The following LRP1B variants were observed in gnomAD, a reference collection of about 807,000 sequenced individuals.
LRP1B encodes the protein LDL receptor related protein 1B.
LRP1B carries 217 observed loss-of-function variants against 556.6 expected under a neutral mutation model. The ratio of observed to expected loss-of-function variants is 0.39; its 90% confidence interval spans 0.35 to 0.44. The LOEUF is 0.44. Ranked by LOEUF, LRP1B falls within the 20% of genes least tolerant of loss-of-function variation. The probability of loss-of-function intolerance (pLI) is 1.00; values close to 1 mark genes in which losing one functional copy is unlikely to be tolerated. For synonymous variants in LRP1B, 2,047 were observed against 1,865.8 expected (o/e 1.10, Z -2.50); for missense variants, 5,053 against 5,620.8 (o/e 0.90, Z 3.23).
Position 141,464,606 on chromosome 2 carries a change from A to ATATATAT in LRP1B, c.343+15789_343+15790insATATATA. ...TTTGTATATATATATATATATATAT[A>ATATATAT]TTTTTTTAGTAGAGATGGGGTTTCA... On this transcript the variant is annotated intron_variant, in intron 3 of 90. Transcript: ENST00000389484. 3.2e-3 allele frequency among the ~76,000 whole-genome samples: 290 copies of ATATATAT among 90,530 alleles called. 13 individuals are homozygous for ATATATAT. The highest frequency in any genetic ancestry group is 0.012 in the African/African-American group (272 of 23,362). 59.4% of individuals were successfully genotyped at this position (90,530 alleles called of 152,430 possible). A position where few individuals can be genotyped will look rare whatever the true frequency, so the allele number is the denominator to read the frequency against.
chr2:140,678,036 A>C (rs1685733720), intron 41 of LRP1B, among the ~76,000 whole-genome samples: 1 of 152,190 alleles, frequency 6.6e-6, no homozygotes, highest in Non-Finnish European at 1.5e-5. Flanking sequence ...TAATTTGCAG[A>C]GGTTGCACAA....
At chr2:141,683,429 C>T (rs1248344020) in intron 2 of LRP1B, among the ~76,000 whole-genome samples, 3 of 152,058 alleles carry the variant, frequency 2.0e-5, no homozygotes, top group African/African-American at 7.2e-5. Flanking sequence ...TATGCTGCTG[C>T]TGAGAGCTCA....
rs1389230746 is a variant in LRP1B at position 142,023,238 on chromosome 2, A to G, written c.82+107410T>C. Among the ~76,000 whole-genome samples, 9 of 152,296 alleles carry G rather than the reference A, an allele frequency of 5.9e-5. No homozygotes were observed. In the East Asian group the frequency reaches 1.7e-3, roughly 29 times the overall value. ...TTTTCTTATTCTAATGAGCTGATGC[A>G]ATAAATATATTGTTGCCTTCTCTCC... On this transcript the variant is annotated intron_variant, in intron 1 of 90. Transcript: ENST00000389484.
intron 66 of LRP1B, among the ~76,000 whole-genome samples, chr2:140,432,204 C>G (rs1685977005): frequency 6.6e-6 from 1 of 152,142 alleles, no homozygotes; most frequent in African/African-American, 2.4e-5. Context: ...CCTTGTGACC[C>G]CCACATCTGC....
intron 1 of LRP1B, among the ~76,000 whole-genome samples, chr2:141,908,469 A>C (rs946290105): frequency 6.6e-6 from 1 of 152,022 alleles, no homozygotes; most frequent in African/African-American, 2.4e-5. Flanking sequence ...GGAAAAAAAA[A>C]CAGAGAAAAA....
intron 41 of LRP1B, among the ~76,000 whole-genome samples, chr2:140,682,694 G>GTGTGTGTGTGTT (rs922407202): frequency 2.0e-5 from 3 of 151,494 alleles, no homozygotes; most frequent in African/African-American, 7.3e-5. Flanking sequence ...GTGTGTGTGT[G>GTGTGTGTGTGTT]TGTGCGTGCA....
At chr2:141,276,658 C>CTTTCTTTCTTTTTTT (rs61184600) in intron 3 of LRP1B, among the ~76,000 whole-genome samples, 1 of 122,924 alleles carries the variant, frequency 8.1e-6, no homozygotes, top group Non-Finnish European at 1.7e-5. Flanking sequence ...TTCTTTCTTT[C>CTTTCTTTCTTTTTTT]TTTTTTTTTT....
At chr2:140,790,708 C>A (rs1690085685) in intron 32 of LRP1B, among the ~76,000 whole-genome samples, 1 of 152,128 alleles carries the variant, frequency 6.6e-6, no homozygotes, top group African/African-American at 2.4e-5. Context: ...AGGATGTAGC[C>A]TTGGTTTCCT....
chr2:140,727,220 T>A (rs1347434034), intron 35 of LRP1B, among the ~76,000 whole-genome samples: 1 of 152,198 alleles, frequency 6.6e-6, no homozygotes, highest in Non-Finnish European at 1.5e-5. Context: ...TTAGTACTAC[T>A]GATGAAGCTG....
At chr2:140,798,464 T>C (rs1690393797) in intron 32 of LRP1B, among the ~76,000 whole-genome samples, 1 of 152,184 alleles carries the variant, frequency 6.6e-6, no homozygotes, top group Non-Finnish European at 1.5e-5. Flanking sequence ...CTCTCTTTCA[T>C]TTATTTTTTA....
At chr2:140,502,814 A>G (rs1689252931) in intron 54 of LRP1B, 149 bp downstream of exon 54, 4 of 655,810 alleles carry the variant, frequency 6.1e-6, no homozygotes. Flanking sequence ...CACAGAGTCA[A>G]TTACTAGTAC....
In LRP1B at chr2:140,832,242, T is replaced by C. The variant is rs140170321; in HGVS notation, c.5209+7749A>G. Among the ~76,000 whole-genome samples, 17 of 152,170 alleles carry C rather than the reference T, an allele frequency of 1.1e-4. No individual in the cohort carries two copies. In the East Asian group the frequency reaches 3.1e-3, roughly 28 times the overall value. ...TTTTTGTGTACCCACTCCTTCAGGGTGGACTCCACAATCTGAGTATGTGTG... is the reference window on the plus strand; with the variant it reads ...TTTTTGTGTACCCACTCCTTCAGGGCGGACTCCACAATCTGAGTATGTGTG... On this transcript the variant is annotated intron_variant, in intron 31 of 90. Coordinates refer to ENST00000389484, the MANE Select transcript of LRP1B (RefSeq NM_018557.3).
chr2:140,350,327 T>C (rs1681900240), intron 77 of LRP1B, among the ~76,000 whole-genome samples: 1 of 152,080 alleles, frequency 6.6e-6, no homozygotes, highest in African/African-American at 2.4e-5. Flanking sequence ...AATATAGTTA[T>C]CAGGAGTCAG....
chr2:140,263,080 T>C (rs745666938), intron 86 of LRP1B, among the ~76,000 whole-genome samples: 3 of 152,016 alleles, frequency 2.0e-5, no homozygotes, highest in Non-Finnish European at 4.4e-5. Context: ...CACACCACCA[T>C]GCCTGGTTAA....
chr2:140,991,700 A>G (rs184806838), intron 16 of LRP1B, among the ~76,000 whole-genome samples: 2 of 152,266 alleles, frequency 1.3e-5, no homozygotes, highest in African/African-American at 4.8e-5. Context: ...CAGCAGATGA[A>G]TGTTTAACTC....
intron 1 of LRP1B, among the ~76,000 whole-genome samples, chr2:141,985,799 T>C (rs1702170879): frequency 6.6e-6 from 1 of 151,962 alleles, no homozygotes; most frequent in Non-Finnish European, 1.5e-5. Flanking sequence ...TTGTCTAAAA[T>C]ACAGAACATA....
chr2:140,516,054 A>G (rs1689883597), intron 50 of LRP1B, among the ~76,000 whole-genome samples: 1 of 152,106 alleles, frequency 6.6e-6, no homozygotes, highest in African/African-American at 2.4e-5. Context: ...TGACAATGTA[A>G]CATGAAATAA....
rs548297461 is a variant in LRP1B, at chr2:140,687,165, G to A, written c.6799+13085C>T. ...TCATCCGGAAAGATTTCTGAGAGAA[G>A]AGGAAAAGTAGAAGGAAGACCATTG... On this transcript the variant is annotated intron_variant, in intron 41 of 90. Coordinates refer to ENST00000389484, the MANE Select transcript of LRP1B (RefSeq NM_018557.3). Among the ~76,000 whole-genome samples the A allele has an allele frequency of 9.9e-5, 15 of 152,186 alleles. No homozygotes were observed. The South Asian group carries it at 3.1e-3, about 32-fold the overall frequency.
At chr2:140,843,400 G>T (rs1022869126) in intron 29 of LRP1B, among the ~76,000 whole-genome samples, 1 of 151,828 alleles carries the variant, frequency 6.6e-6, no homozygotes, top group Non-Finnish European at 1.5e-5. Flanking sequence ...TTTGAATCAT[G>T]ACCTTCACTT....
Sources: allele counts gnomAD v4.1 joint callset (sites outside exome capture counted in the v4.1 genomes callset), GRCh38; gene constraint gnomAD v4.1.1; transcripts MANE v1.5; gene names NCBI Gene and HGNC (gene_info 2026-07-23, HGNC 2026-07-21).